The following SLX4IP variants were observed in gnomAD, a reference collection of about 807,000 sequenced individuals.
SLX4IP encodes SLX4 interacting protein, also known as protein SLX4IP.
Under a neutral mutation model 32.9 loss-of-function variants are expected in SLX4IP, and 34 were observed. The observed-to-expected ratio is 1.03, with a 90% CI of 0.79 to 1.38. SLX4IP has a LOEUF of 1.38. Among genes scored for constraint, SLX4IP ranks in the 40% most tolerant of loss-of-function variants. The probability of loss-of-function intolerance (pLI) is 0.00; values close to 1 mark genes in which losing one functional copy is unlikely to be tolerated. For missense variants in SLX4IP, 444 were observed against 479.0 expected, an observed-to-expected ratio of 0.93 and a Z score of 0.68; for synonymous variants, 172 against 171.7, an observed-to-expected ratio of 1.00 and a Z score of -0.01.
chr20:10,444,155 A>T (rs1172830267), intron 1 of SLX4IP, among the ~76,000 whole-genome samples: 1 of 134,800 alleles, frequency 7.4e-6, no homozygotes, highest in Non-Finnish European at 1.7e-5. Context: ...GGGTTTGGGG[A>T]TGGGGAAGTA....
At chr20:10,452,670 A>AT (rs1182991433) in intron 1 of SLX4IP, among the ~76,000 whole-genome samples, 104 of 82,528 alleles carry the variant, frequency 1.3e-3, no homozygotes, top group South Asian at 2.8e-3. Flanking sequence ...GTCTCAAAAA[A>AT]AAAAAAAAAA....
intron 2 of SLX4IP, among the ~76,000 whole-genome samples, chr20:10,463,306 T>C (rs76188036): frequency 0.019 from 2,942 of 152,296 alleles, 66 homozygotes; most frequent in South Asian, 0.069. Flanking sequence ...CTGCTATAGA[T>C]AATTTCAGGG....
At chr20:10,561,964 A>G (rs2066337282) in intron 4 of SLX4IP, among the ~76,000 whole-genome samples, 1 of 152,106 alleles carries the variant, frequency 6.6e-6, no homozygotes, top group Non-Finnish European at 1.5e-5. Context: ...AGGGCGTGGG[A>G]TGGGGATGTG....
intron 2 of SLX4IP, among the ~76,000 whole-genome samples, chr20:10,537,533 G>C (rs2066058773): frequency 6.6e-6 from 1 of 152,206 alleles, no homozygotes; most frequent in Admixed American, 6.5e-5. Context: ...GAGTATCACA[G>C]ATAAAAGCTA....
intron 2 of SLX4IP, among the ~76,000 whole-genome samples, chr20:10,465,734 G>A (rs2065375408): frequency 2.0e-5 from 3 of 152,360 alleles, no homozygotes; most frequent in African/African-American, 7.2e-5. Flanking sequence ...TCAAACTCCT[G>A]ACTTTTAGTG....
chr20:10,445,557 C>T lies in SLX4IP; in HGVS notation c.-30+10104C>T, dbSNP rs549192407. ...GTCTTGAACTCCTGACCTCATGATCCGCCCGCCTCAGCCTCCCAAAGTGCT... is the reference window on the plus strand; with the variant it reads ...GTCTTGAACTCCTGACCTCATGATCTGCCCGCCTCAGCCTCCCAAAGTGCT... On this transcript the variant is annotated intron_variant, in intron 1 of 7. Coordinates refer to ENST00000334534, the MANE Select transcript of SLX4IP (RefSeq NM_001009608.3). 3.2e-3 allele frequency among the ~76,000 whole-genome samples: 485 copies of T among 149,496 alleles called. 2 individuals carry two copies. The highest frequency in any genetic ancestry group is 0.011 in the African/African-American group (446 of 40,554).
chr20:10,617,499 A>G (rs1157708997), intron 6 of SLX4IP, among the ~76,000 whole-genome samples: 1 of 152,076 alleles, frequency 6.6e-6, no homozygotes, highest in Non-Finnish European at 1.5e-5. Context: ...CCTATCTCCC[A>G]TTAATCCAAC....
intron 4 of SLX4IP, among the ~76,000 whole-genome samples, chr20:10,566,894 C>G (rs2066400892): frequency 6.6e-6 from 1 of 152,148 alleles, no homozygotes; most frequent in African/African-American, 2.4e-5. Flanking sequence ...AGGGCACATC[C>G]AAATCCAGAA....
chr20:10,519,454 A>G lies in SLX4IP; in HGVS notation c.28-36777A>G, dbSNP rs370625309. ...ATTGCTTGTTATGGACATATCATATAAATGGAGTTATACAACACGTGGTGT... is the reference window on the plus strand; with the variant it reads ...ATTGCTTGTTATGGACATATCATATGAATGGAGTTATACAACACGTGGTGT... On this transcript the variant is annotated intron_variant, in intron 2 of 7. Coordinates refer to ENST00000334534, the MANE Select transcript of SLX4IP (RefSeq NM_001009608.3). Among the ~76,000 whole-genome samples, 70 of 152,334 alleles carry G rather than the reference A, an allele frequency of 4.6e-4. No homozygotes were observed. The South Asian group carries it at 0.014, about 32-fold the overall frequency.
chr20:10,556,402 T>G, intron 3 of SLX4IP, 82 bp downstream of exon 3: 2 of 1,357,556 alleles, frequency 1.5e-6, no homozygotes, highest in Non-Finnish European at 2.1e-6. Context: ...CTTTCATTTC[T>G]GTTAGTGGGA....
intron 6 of SLX4IP, among the ~76,000 whole-genome samples, chr20:10,606,736 A>T (rs573422293): frequency 9.6e-4 from 147 of 152,352 alleles, no homozygotes; most frequent in African/African-American, 3.4e-3. Flanking sequence ...TCTGCTAGTG[A>T]TCTGGATGGT....
chr20:10,504,953 C>G (rs1347474546), intron 2 of SLX4IP, among the ~76,000 whole-genome samples: 1 of 151,030 alleles, frequency 6.6e-6, no homozygotes, highest in Non-Finnish European at 1.5e-5. Context: ...AAAGATAATG[C>G]CAGGAAAAAA....
intron 2 of SLX4IP, among the ~76,000 whole-genome samples, chr20:10,494,518 A>G (rs1031919443): frequency 6.6e-6 from 1 of 151,838 alleles, no homozygotes; most frequent in Non-Finnish European, 1.5e-5. Flanking sequence ...ATTGAGTTAT[A>G]GTTTTCTCTT....
chr20:10,602,332 G>C (rs1170044303), intron 6 of SLX4IP, among the ~76,000 whole-genome samples: 1 of 150,946 alleles, frequency 6.6e-6, no homozygotes, highest in Non-Finnish European at 1.5e-5. Context: ...CTGTCTCTCT[G>C]TCTCCTTCTC....
chr20:10,462,199 T>C (rs2065343384), intron 2 of SLX4IP, among the ~76,000 whole-genome samples: 1 of 151,586 alleles, frequency 6.6e-6, no homozygotes, highest in African/African-American at 2.4e-5. Context: ...CACAAGAAAA[T>C]TAGAGTTTCA....
intron 4 of SLX4IP, among the ~76,000 whole-genome samples, chr20:10,579,744 G>A (rs961999829): frequency 5.3e-5 from 8 of 152,086 alleles, no homozygotes; most frequent in African/African-American, 7.2e-5. Flanking sequence ...GTTTCTACAT[G>A]TGTTTCCATA....
intron 4 of SLX4IP, among the ~76,000 whole-genome samples, chr20:10,590,470 C>A (rs1568758325): frequency 6.6e-6 from 1 of 152,082 alleles, no homozygotes; most frequent in Non-Finnish European, 1.5e-5. Context: ...TAGCAATTCT[C>A]CTGCCTCAGC....
At chr20:10,591,036 C>T (rs2066703172) in intron 4 of SLX4IP, among the ~76,000 whole-genome samples, 1 of 152,148 alleles carries the variant, frequency 6.6e-6, no homozygotes, top group Non-Finnish European at 1.5e-5. Flanking sequence ...TTCTGGTACC[C>T]CTGTGCCCTA....
intron 4 of SLX4IP, among the ~76,000 whole-genome samples, chr20:10,565,590 G>T (rs2066383096): frequency 6.6e-6 from 1 of 152,212 alleles, no homozygotes. Context: ...TGAGTCAGGG[G>T]AGGCAAAATG....
Sources: gnomAD v4.1 joint callset for allele counts (sites outside exome capture counted in the v4.1 genomes callset) on GRCh38, gnomAD v4.1.1 for gene constraint, MANE v1.5 for transcripts, NCBI Gene and HGNC (gene_info 2026-07-23, HGNC 2026-07-21) for gene names.